TMED3: variants seen among roughly 807,000 people sequenced by gnomAD.
TMED3 encodes the protein transmembrane emp24 domain-containing protein 3.
A neutral mutation model predicts 15.0 loss-of-function variants in TMED3; 9 were observed. That is an observed-to-expected ratio of 0.60 (90% CI 0.36 to 1.04). The LOEUF (loss-of-function observed/expected upper bound fraction) is 1.04, where lower values mean the gene tolerates loss of function less well. Ranked by LOEUF, TMED3 falls within the 50% of genes least tolerant of loss-of-function variation. The probability of loss-of-function intolerance (pLI) is 0.01; values close to 1 mark genes in which losing one functional copy is unlikely to be tolerated. For synonymous variants in TMED3, 117 were observed against 121.4 expected (o/e 0.96, Z 0.24); for missense variants, 267 against 278.9 (o/e 0.96, Z 0.30).
intron 2 of TMED3, among the ~76,000 whole-genome samples, chr15:79,382,240 C>T (rs1228782865): frequency 6.6e-6 from 1 of 152,156 alleles, no homozygotes. Flanking sequence ...GTCATGGGTT[C>T]ATGGTACTGT....
intron 2 of TMED3, among the ~76,000 whole-genome samples, chr15:79,380,352 CTATA>C (rs200499386): frequency 6.8e-6 from 1 of 146,432 alleles, no homozygotes; most frequent in Non-Finnish European, 1.5e-5. Flanking sequence ...TCTGTCTCAA[CTATA>C]TATATATAGA....
chr15:79,330,262 A>G (rs958453192), intron 2 of TMED3, among the ~76,000 whole-genome samples: 2 of 152,230 alleles, frequency 1.3e-5, no homozygotes, highest in African/African-American at 4.8e-5. Flanking sequence ...TTGTTTGTAA[A>G]TGACATGGTC....
At chr15:79,367,890 G>A (rs1363203175) in intron 2 of TMED3, among the ~76,000 whole-genome samples, 1 of 152,206 alleles carries the variant, frequency 6.6e-6, no homozygotes, top group African/African-American at 2.4e-5. Flanking sequence ...GAGAAGCTTT[G>A]TTGAAAAATT....
At chr15:79,325,847 G>A (rs1163220323), downstream of TMED3, among the ~76,000 whole-genome samples, 3 of 152,140 alleles carry the variant, frequency 2.0e-5, no homozygotes, top group Admixed American at 6.5e-5. Flanking sequence ...GATGAAAGCC[G>A]GAAGACTCAG....
At chr15:79,361,756 T>C (rs1482314360) in intron 2 of TMED3, among the ~76,000 whole-genome samples, 1 of 152,030 alleles carries the variant, frequency 6.6e-6, no homozygotes, top group African/African-American at 2.4e-5. Flanking sequence ...TTATGACCAA[T>C]ACATATTTTG....
At chr15:79,354,782 G>A (rs993181227) in intron 2 of TMED3, among the ~76,000 whole-genome samples, 5 of 152,254 alleles carry the variant, frequency 3.3e-5, no homozygotes, top group African/African-American at 1.2e-4. Flanking sequence ...AGCCACATAG[G>A]GTCATTCCCT....
intron 2 of TMED3, among the ~76,000 whole-genome samples, chr15:79,410,698 G>GTATATATATATATATA (rs71150909): frequency 6.7e-6 from 1 of 148,922 alleles, no homozygotes; most frequent in African/African-American, 2.5e-5. Context: ...ATGTGTGTGT[G>GTATATATATATATATA]TATATATATA....
Position 79,371,161 on chromosome 15 carries a change from A to T in TMED3, c.418-40239A>T, listed in dbSNP as rs76412982. Among the ~76,000 whole-genome samples the T allele has an allele frequency of 6.9e-3, 1,057 of 152,332 alleles. 28 individuals carry two copies. Among genetic ancestry groups the T allele is most frequent in the Admixed American group, 0.054 (822 of 15,302 alleles). On this transcript the variant is annotated intron_variant, in intron 2 of 2. Transcript: ENST00000424155. ...AGGCCCTACTTCAAGAAAACCAAATACACAAAGATGTGTATTCTTAAAGGA... is the reference window on the plus strand; with the variant it reads ...AGGCCCTACTTCAAGAAAACCAAATTCACAAAGATGTGTATTCTTAAAGGA...
chr15:79,381,150 T>TAAAA (rs1367551177), intron 2 of TMED3, among the ~76,000 whole-genome samples: 2 of 152,218 alleles, frequency 1.3e-5, no homozygotes, highest in Non-Finnish European at 2.9e-5. Context: ...CTTAGCTTTT[T>TAAAA]AGTGCAATTT....
At chr15:79,360,115 G>C (rs142744568) in intron 2 of TMED3, among the ~76,000 whole-genome samples, 1 of 152,180 alleles carries the variant, frequency 6.6e-6, no homozygotes, top group Non-Finnish European at 1.5e-5. Context: ...CAGGCACAGC[G>C]GGTCAGTGAG....
In TMED3 at chr15:79,314,298, G is replaced by A. The variant is rs113675800; in HGVS notation, c.417+293G>A. The stretch of plus-strand genomic sequence containing the variant: ...ACAGTACCACTTTCGAAGTACCTGT[G>A]TCATGTGTCTCTGCTTATATGATGT... On this transcript the variant is annotated intron_variant, in intron 2 of 2. Transcript: ENST00000299705. Among the ~76,000 whole-genome samples, 646 of 152,260 alleles carry A rather than the reference G, an allele frequency of 4.2e-3. 3 individuals are homozygous for A. The highest frequency in any genetic ancestry group is 0.015 in the African/African-American group (622 of 41,520).
At chr15:79,407,885 G>A (rs1595913329) in intron 2 of TMED3, among the ~76,000 whole-genome samples, 1 of 152,120 alleles carries the variant, frequency 6.6e-6, no homozygotes, top group Non-Finnish European at 1.5e-5. Context: ...AGAGGAATTC[G>A]GTGGGCAAGG....
At chr15:79,361,713 A>AT (rs199721931) in intron 2 of TMED3, among the ~76,000 whole-genome samples, 27,772 of 56,802 alleles carry the variant, frequency 0.49, 2,959 homozygotes, top group East Asian at 0.66. Flanking sequence ...AAATAAAAAA[A>AT]TTAAAAAAAA....
chr15:79,339,672 G>C (rs2058842758), intron 2 of TMED3, among the ~76,000 whole-genome samples: 1 of 152,094 alleles, frequency 6.6e-6, no homozygotes, highest in Admixed American at 6.6e-5. Context: ...CAGAGGAGTG[G>C]TAGTGATGGT....
At chr15:79,413,663 T>G (rs1894026379) in exon 3 of TMED3, 1 of 152,220 alleles carries the variant, frequency 6.6e-6, no homozygotes, top group South Asian at 2.1e-4. Flanking sequence ...AGCATGGGAA[T>G]AAACTTTACA....
intron 2 of TMED3, among the ~76,000 whole-genome samples, chr15:79,340,526 C>T (rs572652695): frequency 1.3e-5 from 2 of 152,310 alleles, no homozygotes; most frequent in South Asian, 2.1e-4. Flanking sequence ...TGTTTGCAGT[C>T]GTGAAGTGCC....
In TMED3 at chr15:79,399,930, C is replaced by G. The variant is rs1375022521; in HGVS notation, c.418-11470C>G. Among the ~76,000 whole-genome samples the G allele has an allele frequency of 2.6e-5, 4 of 152,182 alleles. 1 individual carries two copies. Among genetic ancestry groups the G allele is most frequent in the Admixed American group, 2.6e-4 (4 of 15,290 alleles). On this transcript the variant is annotated intron_variant, in intron 2 of 2. Coordinates refer to the TMED3 transcript ENST00000424155. ...CGTGAGGTCCACTGACAGCCAATGA[C>G]CCTCTCTACTTTGCAAGTAGGGTAA...
intron 2 of TMED3, among the ~76,000 whole-genome samples, chr15:79,406,572 G>A (rs992038553): frequency 1.3e-5 from 2 of 152,176 alleles, no homozygotes; most frequent in Non-Finnish European, 2.9e-5. Flanking sequence ...ATCCCTTTGG[G>A]AAAGGACTGG....
In TMED3 at chr15:79,311,440, G is replaced by A. The variant is rs527454637; in HGVS notation, c.168+23G>A. On this transcript the variant is annotated intron_variant, in intron 1 of 2. Transcript: ENST00000299705. Reference sequence around the variant, plus strand: ...CAGGTGAGGCCGGGCGCCCGGCAGCGCTCCCTTCTCCCTCCACTCCCAGGT... The same window carrying A: ...CAGGTGAGGCCGGGCGCCCGGCAGCACTCCCTTCTCCCTCCACTCCCAGGT... 20 of 1,591,062 alleles carry A rather than the reference G, an allele frequency of 1.3e-5. 1 individual carries two copies. The South Asian group carries it at 2.3e-4, about 18-fold the overall frequency.
Sources: gnomAD v4.1 joint callset for allele counts (sites outside exome capture counted in the v4.1 genomes callset) on GRCh38, gnomAD v4.1.1 for gene constraint, MANE v1.5 for transcripts, NCBI Gene and HGNC (gene_info 2026-07-23, HGNC 2026-07-21) for gene names.